Variants in RNF213 observed in about 807,000 individuals in gnomAD.
RNF213 encodes ring finger protein 213.
Under a neutral mutation model 514.4 loss-of-function variants are expected in RNF213, and 341 were observed. The observed-to-expected ratio is 0.66, with a 90% CI of 0.61 to 0.73. The LOEUF (loss-of-function observed/expected upper bound fraction) is 0.73, where lower values mean the gene tolerates loss of function less well. RNF213 is among the 30% of genes least tolerant of loss of function. RNF213 has a pLI of 0.00. For synonymous variants in RNF213, 2,655 were observed against 2,658.2 expected, an observed-to-expected ratio of 1.00 and a Z score of 0.04; for missense variants, 5,767 against 6,615.6, an observed-to-expected ratio of 0.87 and a Z score of 4.45.
intron 11 of RNF213, among the ~76,000 whole-genome samples, chr17:80,299,014 A>G (rs9905727): frequency 0.21 from 32,597 of 151,996 alleles, 4,019 homozygotes; most frequent in African/African-American, 0.34. Flanking sequence ...GAATACAGAA[A>G]CAACTTGTAA....
At chr17:80,287,101 G>A (rs140982903) in intron 3 of RNF213, among the ~76,000 whole-genome samples, 3 of 152,312 alleles carry the variant, frequency 2.0e-5, no homozygotes, top group Non-Finnish European at 2.9e-5. Context: ...TGGCTCACGC[G>A]TGTAATCCCA....
rs755441014 is a variant in RNF213, at chr17:80,289,718, T to C, written c.993T>C (p.Asn331=). Residue 331 remains asparagine (N), a synonymous_variant, in exon 6 of 68, where the codon AAT becomes AAC. Transcript: ENST00000582970. ...CTGCTGAAGAAAAAGTCGGTAAGAA[T>C]GAACAAGGGGAGCCTGAAGACCTCA... ...MAAAEEKVGK[N]EQGEPEDLKK... is the part of the protein sequence containing the mutation. 6.2e-7 allele frequency: 1 copy of C among 1,612,534 alleles called. No individual in the cohort carries two copies. The highest frequency in any genetic ancestry group is 8.5e-7 in the Non-Finnish European group (1 of 1,179,832).
At chr17:80,293,867 C>T (rs1325946739) in intron 8 of RNF213, among the ~76,000 whole-genome samples, 3 of 151,072 alleles carry the variant, frequency 2.0e-5, no homozygotes, top group East Asian at 1.9e-4. Flanking sequence ...ACCTGGAGGT[C>T]GGCAGAAGCT....
intron 14 of RNF213, 68 bp downstream of exon 14, chr17:80,309,239 G>A: frequency 6.3e-7 from 1 of 1,591,954 alleles, no homozygotes; most frequent in Non-Finnish European, 8.6e-7. Flanking sequence ...GCCTCAATTT[G>A]GAAAGGAAAC....
At position 80,345,737 on chromosome 17, in the gene RNF213, G is replaced by C; in HGVS notation, c.7402G>C (p.Glu2468Gln). ...DMIYSRVREA[E>Q]NVAFANKDQH... Reference sequence around the variant, plus strand: ...GATCTACTCCAGAGTCAGGGAGGCTGAAAATGTGGCCTTCGCCAATAAGGA... The same window carrying C: ...GATCTACTCCAGAGTCAGGGAGGCTCAAAATGTGGCCTTCGCCAATAAGGA... The change falls in exon 29 of 68, where the codon GAA (glutamate) becomes CAA (glutamine). Residue 2468 changes from glutamate to glutamine, a missense_variant. Physicochemically the swap from Glu to Gln is conservative, Grantham distance 29 (BLOSUM62 2). Transcript: ENST00000582970. The surrounding 1 kb of genome is among the most constrained non-coding windows in gnomAD (Gnocchi z 6.0). 6.2e-7 allele frequency: 1 copy of C among 1,614,244 alleles called. No homozygotes were observed. Among genetic ancestry groups the C allele is most frequent in the Non-Finnish European group, 8.5e-7 (1 of 1,180,050 alleles).
intron 67 of RNF213, among the ~76,000 whole-genome samples, chr17:80,390,586 A>G (rs908163511): frequency 1.3e-5 from 2 of 151,962 alleles, no homozygotes; most frequent in Non-Finnish European, 2.9e-5. Flanking sequence ...TAGTAGAGAC[A>G]GAGTTTCACT....
chr17:80,279,072 A>G lies in RNF213; in HGVS notation c.261+5668A>G, dbSNP rs149877683. On this transcript the variant is annotated intron_variant, in intron 3 of 67. Coordinates refer to ENST00000582970, the MANE Select transcript of RNF213 (RefSeq NM_001256071.3). The stretch of plus-strand genomic sequence containing the variant: ...GTCACCCTTGGGCTGTGAAAGAGCA[A>G]CGCTGATTCAGGCTTGGCTCTTGTG... Among the ~76,000 whole-genome samples, 309 of 152,330 alleles carry G rather than the reference A, an allele frequency of 2.0e-3. 2 individuals carry two copies. Among genetic ancestry groups the G allele is most frequent in the African/African-American group, 6.9e-3 (288 of 41,588 alleles).
In RNF213 at chr17:80,285,336, C is replaced by G. The variant is rs572745215; in HGVS notation, c.262-2479C>G. ...GAGCTGGATGGGAACTCAGGCAGGC[C>G]CTCTAAACCCAGCCCAGACGCCACT... On this transcript the variant is annotated intron_variant, in intron 3 of 67. Transcript: ENST00000582970. Among the ~76,000 whole-genome samples, 7 of 152,306 alleles carry G rather than the reference C, an allele frequency of 4.6e-5. No individual in the cohort carries two copies. The East Asian group carries it at 1.4e-3, about 29-fold the overall frequency.
Position 80,340,198 on chromosome 17 carries a change from G to A in RNF213, c.5831G>A (p.Ser1944Asn). The A allele has an allele frequency of 6.2e-7, 1 of 1,614,098 alleles. No homozygotes were observed. Among genetic ancestry groups the A allele is most frequent in the South Asian group, 1.1e-5 (1 of 91,076 alleles). The change falls in exon 26 of 68, where the codon AGC (serine) becomes AAC (asparagine). Residue 1944 changes from serine to asparagine, a missense_variant. Ser to Asn is a conservative substitution (Grantham distance 46). This residue lies in a region of RNF213 where 1,377 missense variants were observed against 1,635.2 expected (regional missense o/e 0.84). Coordinates refer to ENST00000582970, the MANE Select transcript of RNF213 (RefSeq NM_001256071.3). ...CACTGCTACCTCCCCTCTGCCTTCAGCCAGCACAAGGTCTTCGTCACCCCC... is the reference window on the plus strand; with the variant it reads ...CACTGCTACCTCCCCTCTGCCTTCAACCAGCACAAGGTCTTCGTCACCCCC... ...WEHCYLPSAF[S>N]QHKVFVTPQA...
chr17:80,378,929 T>C (rs900716158), intron 54 of RNF213, among the ~76,000 whole-genome samples: 1 of 152,182 alleles, frequency 6.6e-6, no homozygotes, highest in African/African-American at 2.4e-5. Flanking sequence ...ATCCCAGCAC[T>C]TCAGGAGGCT....
chr17:80,295,888 G>A, intron 10 of RNF213, 75 bp downstream of exon 10: 1 of 1,523,730 alleles, frequency 6.6e-7, no homozygotes, highest in South Asian at 1.1e-5. Context: ...ATAAGTGCTT[G>A]ACTAGAGTGA....
Position 80,363,319 on chromosome 17 carries a change from G to A in RNF213, c.11568+5G>A. 2 of 1,613,106 alleles carry A rather than the reference G, an allele frequency of 1.2e-6. No individual in the cohort carries two copies. The highest frequency in any genetic ancestry group is 2.2e-5 in the South Asian group (2 of 91,066). On this transcript the variant is annotated splice_donor_5th_base_variant and intron_variant, in intron 40 of 67. Transcript: ENST00000582970. ...GAGCTGGCTGGATGTGAGATGGTAT[G>A]GCCCTCCTCCGCCTGCCCTGAGCAA... is the stretch of plus-strand genomic sequence containing the variant.
At chr17:80,322,740 TGTC>T (rs1490566238) in intron 17 of RNF213, among the ~76,000 whole-genome samples, 1 of 152,116 alleles carries the variant, frequency 6.6e-6, no homozygotes, top group African/African-American at 2.4e-5. Context: ...TAAATTGGGT[TGTC>T]TTTTTATTAT....
intron 11 of RNF213, among the ~76,000 whole-genome samples, chr17:80,302,715 T>A (rs1296338143): frequency 1.3e-5 from 2 of 152,052 alleles, no homozygotes; most frequent in African/African-American, 4.8e-5. Flanking sequence ...AAAAAAATAG[T>A]TAGGCATGGT....
At position 80,289,689 on chromosome 17, in the gene RNF213, G is replaced by T. The variant is rs1320073857; in HGVS notation, c.964G>T (p.Ala322Ser). 6.2e-7 allele frequency: 1 copy of T among 1,613,956 alleles called. No individual in the cohort carries two copies. The highest frequency in any genetic ancestry group is 1.7e-5 in the Admixed American group (1 of 59,988). Residue 322 changes from alanine to serine, a missense_variant, in exon 6 of 68, where the codon GCT (alanine) becomes TCT (serine). Ala to Ser is a moderately conservative substitution (Grantham distance 99). Coordinates refer to ENST00000582970, the MANE Select transcript of RNF213 (RefSeq NM_001256071.3). ...EAETKTKDEM[A>S]AAEEKVGKNE... Reference sequence around the variant, plus strand: ...TGAGACCAAGACCAAGGACGAGATGGCTGCTGCTGAAGAAAAAGTCGGTAA... The same window carrying T: ...TGAGACCAAGACCAAGGACGAGATGTCTGCTGCTGAAGAAAAAGTCGGTAA...
chr17:80,355,454 A>G (rs1397885318), intron 36 of RNF213, among the ~76,000 whole-genome samples: 4 of 78,604 alleles, frequency 5.1e-5, no homozygotes, highest in African/African-American at 1.5e-4. Context: ...GGGCTCACGG[A>G]GGAAGAGGGG....
chr17:80,273,547 C>G (rs944203920), intron 3 of RNF213, 143 bp downstream of exon 3: 1 of 1,026,748 alleles, frequency 9.7e-7, no homozygotes, highest in African/African-American at 1.6e-5. Flanking sequence ...CAGAGCTGCC[C>G]CTTCTGCACC....
At position 80,288,464 on chromosome 17, in the gene RNF213, C is replaced by T. The variant is rs563275394; in HGVS notation, c.810+101C>T. 1.7e-3 allele frequency: 2,628 copies of T among 1,588,588 alleles called. 22 individuals are homozygous for T. The Middle Eastern group carries it at 0.017, about 10-fold the overall frequency. On this transcript the variant is annotated intron_variant, in intron 4 of 67. Coordinates refer to ENST00000582970, the MANE Select transcript of RNF213 (RefSeq NM_001256071.3). This position sits in a 1 kb window ranked among gnomAD's most constrained non-coding sequence, Gnocchi z 4.9. Reference sequence around the variant, plus strand: ...GTTGCTTCCCTGCCGGGGGGAGGGGCGTCCTCTGGGCCCTGCTCCCTGGGT... The same window carrying T: ...GTTGCTTCCCTGCCGGGGGGAGGGGTGTCCTCTGGGCCCTGCTCCCTGGGT...
chr17:80,313,903 TGGTGGTGGTGATGGTGGA>T lies in RNF213; in HGVS notation c.2811+745_2811+762del, dbSNP rs1266517569. On this transcript the variant is annotated intron_variant, in intron 15 of 67. Transcript: ENST00000582970. ...GTGGAGGTACTGGAGGTGATGGTGGTGGTGGTGGTGATGGTGGAGGTGGTGGAGGTAATGGAGGTGATG... is the reference window on the plus strand; with the variant it reads ...GTGGAGGTACTGGAGGTGATGGTGGTGGTGGTGGAGGTAATGGAGGTGATG... 5.1e-3 allele frequency among the ~76,000 whole-genome samples: 162 copies of T among 32,016 alleles called. 9 individuals carry two copies. The highest frequency in any genetic ancestry group is 8.9e-3 in the East Asian group (8 of 894). 21.0% of individuals were successfully genotyped at this position (32,016 alleles called of 152,430 possible).
Sources: allele counts gnomAD v4.1 joint callset (sites outside exome capture counted in the v4.1 genomes callset), GRCh38; gene constraint gnomAD v4.1.1; regional missense constraint gnomAD v4.1.1; non-coding constraint Gnocchi (gnomAD v3.1); transcripts MANE v1.5; gene names NCBI Gene and HGNC (gene_info 2026-07-23, HGNC 2026-07-21).